Variants in ST6GALNAC3 observed in about 807,000 individuals in gnomAD.
The protein encoded by ST6GALNAC3 is ST6 N-acetylgalactosaminide alpha-2,6-sialyltransferase 3, also known as alpha-N-acetylgalactosaminide alpha-2,6-sialyltransferase 3.
In ST6GALNAC3, 25 loss-of-function variants were observed where a neutral mutation model predicts 32.7. The ratio of observed to expected loss-of-function variants is 0.76; its 90% CI spans 0.56 to 1.07. The LOEUF is 1.07. Ranked by LOEUF, ST6GALNAC3 falls within the 50% of genes least tolerant of loss-of-function variation. The probability of loss-of-function intolerance (pLI) is 0.00; values close to 1 mark genes in which losing one functional copy is unlikely to be tolerated. For synonymous variants in ST6GALNAC3, 129 were observed against 133.1 expected, an observed-to-expected ratio of 0.97 and a Z score of 0.21; for missense variants, 355 against 382.4, an observed-to-expected ratio of 0.93 and a Z score of 0.60.
At chr1:76,124,292 G>A (rs1036376159) in intron 1 of ST6GALNAC3, among the ~76,000 whole-genome samples, 10 of 152,024 alleles carry the variant, frequency 6.6e-5, no homozygotes, top group East Asian at 3.9e-4. Flanking sequence ...GCTGAGTCCC[G>A]TTAGCATCCC....
At chr1:76,445,950 A>G (rs1428933718) in intron 3 of ST6GALNAC3, among the ~76,000 whole-genome samples, 3 of 152,304 alleles carry the variant, frequency 2.0e-5, no homozygotes, top group Middle Eastern at 3.4e-3. Context: ...GACATTATCT[A>G]TGAAATTCCT....
intron 3 of ST6GALNAC3, among the ~76,000 whole-genome samples, chr1:76,570,761 G>A (rs1018054300): frequency 6.6e-6 from 1 of 152,034 alleles, no homozygotes; most frequent in Admixed American, 6.6e-5. Flanking sequence ...CACTCTGGTT[G>A]TTCTTTCTTC....
intron 1 of ST6GALNAC3, among the ~76,000 whole-genome samples, chr1:76,136,188 C>T (rs1164447507): frequency 2.6e-5 from 4 of 152,238 alleles, no homozygotes; most frequent in East Asian, 1.9e-4. Context: ...TATAAATGCA[C>T]TTCCAGAAAC....
chr1:76,390,612 T>C (rs780283550), intron 2 of ST6GALNAC3, among the ~76,000 whole-genome samples: 1 of 152,192 alleles, frequency 6.6e-6, no homozygotes, highest in Non-Finnish European at 1.5e-5. Flanking sequence ...TTGGTGGCTT[T>C]GGCAGGATTC....
chr1:76,228,182 G>A (rs1656180110), intron 1 of ST6GALNAC3, among the ~76,000 whole-genome samples: 1 of 152,156 alleles, frequency 6.6e-6, no homozygotes, highest in Admixed American at 6.6e-5. Context: ...ACAGAAGTTT[G>A]CCTACCACTA....
At chr1:76,162,967 A>C (rs545931938) in intron 1 of ST6GALNAC3, among the ~76,000 whole-genome samples, 62 of 152,326 alleles carry the variant, frequency 4.1e-4, no homozygotes, top group African/African-American at 1.5e-3. Context: ...ACCGGAGAGC[A>C]TGCGCTCTGT....
chr1:76,183,851 A>AATATATATATATAT (rs71071991), intron 1 of ST6GALNAC3, among the ~76,000 whole-genome samples: 2,444 of 117,910 alleles, frequency 0.021, 58 homozygotes, highest in Middle Eastern at 0.041. Flanking sequence ...GTAGTGCATG[A>AATATATATATATAT]ATATATATAT....
At chr1:76,604,587 C>A (rs1362475055) in intron 3 of ST6GALNAC3, among the ~76,000 whole-genome samples, 1 of 152,160 alleles carries the variant, frequency 6.6e-6, no homozygotes, top group Non-Finnish European at 1.5e-5. Flanking sequence ...AATCTCTTTG[C>A]CTCCTCTGCA....
At chr1:76,557,118 G>A (rs1664973700) in intron 3 of ST6GALNAC3, among the ~76,000 whole-genome samples, 1 of 151,824 alleles carries the variant, frequency 6.6e-6, no homozygotes, top group Non-Finnish European at 1.5e-5. Context: ...ACCAGATGTT[G>A]AAAAAATTAC....
At position 76,556,118 on chromosome 1, in the gene ST6GALNAC3, A is replaced by G. The variant is rs191011589; in HGVS notation, c.624-71334A>G. Among the ~76,000 whole-genome samples, 3 of 152,156 alleles carry G rather than the reference A, an allele frequency of 2.0e-5. No homozygotes were observed. The East Asian group carries it at 5.8e-4, about 29-fold the overall frequency. On this transcript the variant is annotated intron_variant, in intron 3 of 4. Transcript: ENST00000328299. ...ATTCCGGATACTCCATACAAATGGA[A>G]TCATACAGTACGTGGCCTTTTGTGT...
chr1:76,177,467 A>G (rs116263166), intron 1 of ST6GALNAC3, among the ~76,000 whole-genome samples: 4,212 of 152,230 alleles, frequency 0.028, 188 homozygotes, highest in African/African-American at 0.096. Flanking sequence ...TTAGGCTCTA[A>G]AGGATCTTAG....
intron 2 of ST6GALNAC3, among the ~76,000 whole-genome samples, chr1:76,382,791 G>A (rs1651813884): frequency 6.6e-6 from 1 of 152,184 alleles, no homozygotes; most frequent in African/African-American, 2.4e-5. Context: ...TATAACATAA[G>A]TATGTTGGAG....
intron 1 of ST6GALNAC3, among the ~76,000 whole-genome samples, chr1:76,084,027 G>T (rs1461896563): frequency 6.6e-6 from 1 of 152,188 alleles, no homozygotes; most frequent in African/African-American, 2.4e-5. Flanking sequence ...TGTTGGTTAT[G>T]CCAGCCATGT....
rs142379673 is a variant in ST6GALNAC3 at position 76,573,906 on chromosome 1, C to T, written c.624-53546C>T. ...TTGGCAGGGACAGTAGAGAAGGATG[C>T]AAGGAAAATATTTGCTCTGGATAGA... is the stretch of plus-strand genomic sequence containing the variant. On this transcript the variant is annotated intron_variant, in intron 3 of 4. Transcript: ENST00000328299. Among the ~76,000 whole-genome samples, 508 of 152,018 alleles carry T rather than the reference C, an allele frequency of 3.3e-3. 5 individuals carry two copies. Among genetic ancestry groups the T allele is most frequent in the African/African-American group, 0.012 (481 of 41,472 alleles).
chr1:76,536,674 A>G (rs963146598), intron 3 of ST6GALNAC3, among the ~76,000 whole-genome samples: 9 of 151,360 alleles, frequency 5.9e-5, no homozygotes, highest in East Asian at 1.9e-4. Context: ...AAAAAAAAAA[A>G]AAGCAGGGGT....
At chr1:76,223,628 C>T (rs949859639) in intron 1 of ST6GALNAC3, among the ~76,000 whole-genome samples, 3 of 152,084 alleles carry the variant, frequency 2.0e-5, no homozygotes, top group Non-Finnish European at 4.4e-5. Context: ...TGTATAAATC[C>T]ATATTACTAT....
chr1:76,618,664 C>T (rs376489736), intron 3 of ST6GALNAC3, among the ~76,000 whole-genome samples: 25 of 152,066 alleles, frequency 1.6e-4, no homozygotes, highest in African/African-American at 6.0e-4. Flanking sequence ...CAGTTTTGGG[C>T]TCATGTTGAT....
chr1:76,525,619 C>T (rs1662819333), intron 3 of ST6GALNAC3, among the ~76,000 whole-genome samples: 1 of 151,280 alleles, frequency 6.6e-6, no homozygotes, highest in South Asian at 2.1e-4. Flanking sequence ...CAAGAGGCAC[C>T]ACCACTTTCT....
intron 1 of ST6GALNAC3, among the ~76,000 whole-genome samples, chr1:76,201,441 CACAACA>C (rs1480382527): frequency 4.6e-5 from 7 of 152,134 alleles, no homozygotes; most frequent in African/African-American, 1.7e-4. Context: ...GGGTTCCTCC[CACAACA>C]CATGGGAATT....
Sources: gnomAD v4.1 joint callset for allele counts (sites outside exome capture counted in the v4.1 genomes callset) on GRCh38, gnomAD v4.1.1 for gene constraint, MANE v1.5 for transcripts, NCBI Gene and HGNC (gene_info 2026-07-23, HGNC 2026-07-21) for gene names.